The following IPO11 variants were observed in gnomAD, a reference collection of about 807,000 sequenced individuals.
The protein encoded by IPO11 is importin 11.
Under a neutral mutation model 143.2 loss-of-function variants are expected in IPO11, and 66 were observed. That is an observed-to-expected ratio of 0.46 (90% CI 0.38 to 0.57). The LOEUF (loss-of-function observed/expected upper bound fraction) is 0.57. Among genes scored for constraint, IPO11 ranks in the 20% least tolerant of loss-of-function variants. The pLI is 0.00. For synonymous variants in IPO11, 385 were observed against 377.8 expected (o/e 1.02, Z -0.22); for missense variants, 1,026 against 1,141.0 (o/e 0.90, Z 1.45).
intron 1 of IPO11, among the ~76,000 whole-genome samples, chr5:62,414,880 A>G (rs974815809): frequency 1.3e-5 from 2 of 152,210 alleles, no homozygotes; most frequent in Non-Finnish European, 2.9e-5. Flanking sequence ...AGGTGATCTT[A>G]TGCTGATTAT....
intron 27 of IPO11, among the ~76,000 whole-genome samples, chr5:62,584,633 AAAAAAG>A (rs1389220200): frequency 6.7e-6 from 1 of 150,216 alleles, no homozygotes; most frequent in Non-Finnish European, 1.5e-5. Flanking sequence ...AAAAAAAAAA[AAAAAAG>A]GAAATAGGAG....
At chr5:62,520,913 C>G (rs978268014) in intron 20 of IPO11, among the ~76,000 whole-genome samples, 1 of 152,310 alleles carries the variant, frequency 6.6e-6, no homozygotes, top group East Asian at 1.9e-4. Context: ...GTTCTAGATC[C>G]TTGAGGAATT....
At chr5:62,472,876 A>T (rs1368179690) in intron 7 of IPO11, among the ~76,000 whole-genome samples, 2 of 152,194 alleles carry the variant, frequency 1.3e-5, no homozygotes, top group Non-Finnish European at 2.9e-5. Flanking sequence ...TAAAGAAAAG[A>T]TATATGACAG....
intron 27 of IPO11, among the ~76,000 whole-genome samples, chr5:62,563,400 G>T (rs1483069178): frequency 2.0e-5 from 3 of 152,130 alleles, no homozygotes; most frequent in African/African-American, 7.2e-5. Context: ...GTTAAGTTTA[G>T]AAAGATACCT....
chr5:62,627,074 A>G (rs1170637938), intron 29 of IPO11, 80 bp from the exon 30 acceptor site: 15 of 1,290,294 alleles, frequency 1.2e-5, no homozygotes, highest in Non-Finnish European at 1.5e-5. Flanking sequence ...AGAAGAGATT[A>G]CAAAGAACTT....
intron 29 of IPO11, among the ~76,000 whole-genome samples, chr5:62,605,717 T>TATC (rs938269341): frequency 1.4e-5 from 2 of 147,894 alleles, no homozygotes; most frequent in African/African-American, 2.5e-5. Flanking sequence ...AACAAAGTAT[T>TATC]ATTATTATTA....
At chr5:62,482,540 C>T (rs575830997) in intron 9 of IPO11, among the ~76,000 whole-genome samples, 1 of 152,266 alleles carries the variant, frequency 6.6e-6, no homozygotes, top group African/African-American at 2.4e-5. Flanking sequence ...AGTGATCTAT[C>T]AAATTTCCTC....
At chr5:62,481,953 G>A (rs1487698367) in intron 9 of IPO11, among the ~76,000 whole-genome samples, 1 of 152,088 alleles carries the variant, frequency 6.6e-6, no homozygotes, top group Non-Finnish European at 1.5e-5. Context: ...ATTGATTATT[G>A]CCTCAATTTC....
chr5:62,485,276 T>A, intron 11 of IPO11, 143 bp from the exon 12 acceptor site: 1 of 615,580 alleles, frequency 1.6e-6, no homozygotes, highest in Non-Finnish European at 2.9e-6. Context: ...TAACAAAATC[T>A]GTGTAAGGCC....
At chr5:62,420,334 C>G (rs543430021) in intron 1 of IPO11, among the ~76,000 whole-genome samples, 3 of 150,704 alleles carry the variant, frequency 2.0e-5, no homozygotes, top group South Asian at 4.2e-4. Flanking sequence ...AATGCATAAA[C>G]CAGTAACATA....
intron 22 of IPO11, among the ~76,000 whole-genome samples, chr5:62,535,426 T>G (rs1248156414): frequency 6.6e-6 from 1 of 152,148 alleles, no homozygotes; most frequent in Non-Finnish European, 1.5e-5. Flanking sequence ...GGCTTTCTCC[T>G]TGAGGAGAAA....
Position 62,516,238 on chromosome 5 carries a change from C to G in IPO11, c.1896+737C>G, listed in dbSNP as rs185544190. ...AGTTTAGAAAAAACCAGAAACTTTT[C>G]TCAGAAGCTTTGATACTTTTTTGAA... On this transcript the variant is annotated intron_variant, in intron 20 of 29. Coordinates refer to ENST00000325324, the MANE Select transcript of IPO11 (RefSeq NM_016338.5). Among the ~76,000 whole-genome samples, 16 of 152,242 alleles carry G rather than the reference C, an allele frequency of 1.1e-4. No homozygotes were observed. In the East Asian group the frequency reaches 2.9e-3, roughly 27 times the overall value.
chr5:62,472,064 A>G (rs1424528004), intron 7 of IPO11, among the ~76,000 whole-genome samples: 2 of 152,350 alleles, frequency 1.3e-5, no homozygotes, highest in East Asian at 3.8e-4. Context: ...CCAACTTGAC[A>G]ACTCCTTTTC....
chr5:62,611,384 C>CA (rs975578900), intron 29 of IPO11, among the ~76,000 whole-genome samples: 2 of 152,086 alleles, frequency 1.3e-5, no homozygotes, highest in African/African-American at 2.4e-5. Flanking sequence ...AAATGTTAAT[C>CA]AAAAAATAGT....
intron 15 of IPO11, among the ~76,000 whole-genome samples, chr5:62,493,310 C>G (rs1470000425): frequency 6.6e-6 from 1 of 151,986 alleles, no homozygotes; most frequent in East Asian, 1.9e-4. Flanking sequence ...CATACAGGAG[C>G]TTCTTTATTA....
At chr5:62,525,356 C>CTTTT (rs70981021) in intron 20 of IPO11, among the ~76,000 whole-genome samples, 2 of 144,506 alleles carry the variant, frequency 1.4e-5, no homozygotes. Flanking sequence ...TCCTCCCATC[C>CTTTT]TTTTTTTTTT....
chr5:62,540,599 T>C (rs1424417026), intron 24 of IPO11, among the ~76,000 whole-genome samples: 3 of 152,264 alleles, frequency 2.0e-5, no homozygotes, highest in African/African-American at 7.2e-5. Flanking sequence ...CAGGTAAGAC[T>C]ACACACTGAA....
Position 62,591,612 on chromosome 5 carries a change from T to G in IPO11, c.2618T>G (p.Ile873Ser), listed in dbSNP as rs748977608. ...GATAAATTCTGTGGGATTATAAACA[T>G]TTCAGTAGAAGGCCTGCATGATGTC... ...IQDKFCGIIN[I>S]SVEGLHDVMT... Residue 873 changes from isoleucine (I) to serine (S), a missense_variant, in exon 28 of 30, where the codon ATT becomes AGT. Physicochemically the swap from Ile to Ser is moderately radical, Grantham distance 142 (BLOSUM62 -2). Around this residue, in one of 5 missense-constraint regions of IPO11, gnomAD observed 351 missense variants for 358.9 expected, o/e 0.98. Transcript: ENST00000325324. The G allele has an allele frequency of 1.5e-5, 24 of 1,608,664 alleles. No homozygotes were observed. The highest frequency in any genetic ancestry group is 2.0e-5 in the Non-Finnish European group (24 of 1,177,930).
At chr5:62,596,628 T>G (rs1194780823) in intron 28 of IPO11, among the ~76,000 whole-genome samples, 1 of 152,218 alleles carries the variant, frequency 6.6e-6, no homozygotes, top group Non-Finnish European at 1.5e-5. Context: ...ATTGACCCAC[T>G]GAACGGCTCT....
Sources: gnomAD v4.1 joint callset for allele counts (sites outside exome capture counted in the v4.1 genomes callset) on GRCh38, gnomAD v4.1.1 for gene constraint, gnomAD v4.1.1 regional missense constraint, MANE v1.5 for transcripts, NCBI Gene and HGNC (gene_info 2026-07-23, HGNC 2026-07-21) for gene names.